The following LGR5 variants were observed in gnomAD, a reference collection of about 807,000 sequenced individuals.
The protein encoded by LGR5 is leucine rich repeat containing G protein-coupled receptor 5, also known as leucine-rich repeat-containing G protein-coupled receptor 5.
Under a neutral mutation model 76.7 loss-of-function variants are expected in LGR5, and 54 were observed. That is an observed-to-expected ratio of 0.70 (90% CI 0.57 to 0.88). The LOEUF (loss-of-function observed/expected upper bound fraction) is 0.88, where lower values mean the gene tolerates loss of function less well. LGR5 is among the 40% of genes least tolerant of loss of function. LGR5 has a pLI of 0.00. For missense variants in LGR5, 1,078 were observed against 1,073.3 expected (o/e 1.00, Z -0.06); for synonymous variants, 406 against 421.9 (o/e 0.96, Z 0.46).
intron 16 of LGR5, chr12:71,582,235 T>C (rs1879122222): frequency 2.1e-6 from 1 of 476,182 alleles, no homozygotes; most frequent in Non-Finnish European, 3.8e-6. Flanking sequence ...ACCCGGCGTC[T>C]TGGGTCACTC....
chr12:71,486,993 G>A (rs1444959265), intron 1 of LGR5, among the ~76,000 whole-genome samples: 1 of 152,038 alleles, frequency 6.6e-6, no homozygotes, highest in East Asian at 1.9e-4. Flanking sequence ...TGGTCATTTC[G>A]GGTAAGAGAT....
In LGR5 at chr12:71,440,096, C is replaced by G. The variant is rs781084434; in HGVS notation, c.16C>G (p.Leu6Val). 1 of 1,604,160 alleles carries G rather than the reference C, an allele frequency of 6.2e-7. No homozygotes were observed. The highest frequency in any genetic ancestry group is 8.5e-7 in the Non-Finnish European group (1 of 1,179,892). The change falls in exon 1 of 18, where the codon CTC becomes GTC. Residue 6 changes from leucine (L) to valine (V), a missense_variant. Coordinates refer to ENST00000266674, the MANE Select transcript of LGR5 (RefSeq NM_003667.4). The surrounding 1 kb of genome is among the most constrained non-coding windows in gnomAD (Gnocchi z 5.3). Reference sequence around the variant, plus strand: ...TTCGGGCACCATGGACACCTCCCGGCTCGGTGTGCTCCTGTCCTTGCCTGT... The same window carrying G: ...TTCGGGCACCATGGACACCTCCCGGGTCGGTGTGCTCCTGTCCTTGCCTGT... MDTSRLGVLLSLPVLL... is the reference protein window; with the variant it reads MDTSRVGVLLSLPVLL...
chr12:71,564,767 T>C (rs1313347266), intron 8 of LGR5, among the ~76,000 whole-genome samples: 3 of 146,908 alleles, frequency 2.0e-5, no homozygotes, highest in Non-Finnish European at 4.5e-5. Flanking sequence ...TATACATATA[T>C]GTACACACTG....
At position 71,474,068 on chromosome 12, in the gene LGR5, A is replaced by G. The variant is rs1196170772; in HGVS notation, c.213-30546A>G. On this transcript the variant is annotated intron_variant, in intron 1 of 17. Coordinates refer to ENST00000266674, the MANE Select transcript of LGR5 (RefSeq NM_003667.4). ...TCACATCCTATTTGTTTTCTTTTAC[A>G]TATAATCCAGATAAGCTTTCTTATT... 3.9e-5 allele frequency among the ~76,000 whole-genome samples: 6 copies of G among 152,170 alleles called. No homozygotes were observed. In the East Asian group the frequency reaches 1.2e-3, roughly 29 times the overall value.
intron 1 of LGR5, among the ~76,000 whole-genome samples, chr12:71,444,321 A>G (rs1455034453): frequency 6.6e-6 from 1 of 152,086 alleles, no homozygotes; most frequent in Admixed American, 6.5e-5. Flanking sequence ...CTTCATTTTA[A>G]TGAAGTTCTT....
At chr12:71,513,620 A>G (rs549054322) in intron 2 of LGR5, among the ~76,000 whole-genome samples, 1 of 152,180 alleles carries the variant, frequency 6.6e-6, no homozygotes, top group Admixed American at 6.5e-5. Flanking sequence ...TGATTGTTAT[A>G]AACAAATAGC....
chr12:71,514,557 G>T (rs1875341520), intron 2 of LGR5, among the ~76,000 whole-genome samples: 1 of 114,652 alleles, frequency 8.7e-6, no homozygotes, highest in South Asian at 3.5e-4. Context: ...GAAAGAGCAA[G>T]ACTCCCTCTC....
In LGR5 at chr12:71,440,151, C is replaced by G. The variant is rs552023923; in HGVS notation, c.71C>G (p.Ser24Cys). Residue 24 changes from serine (S) to cysteine (C), a missense_variant, in exon 1 of 18, where the codon TCT (serine) becomes TGT (cysteine). Physicochemically the swap from Ser to Cys is moderately radical, Grantham distance 112. Transcript: ENST00000266674. The surrounding 1 kb of genome is among the most constrained non-coding windows in gnomAD (Gnocchi z 5.3). ...CTGCAGCTGGCGACCGGGGGCAGCT[C>G]TCCCAGGTCTGGTGTGTTGCTGAGG... ...VLLQLATGGS[S>C]PRSGVLLRGC... The G allele has an allele frequency of 1.2e-6, 2 of 1,610,732 alleles. No homozygotes were observed. Among genetic ancestry groups the G allele is most frequent in the Admixed American group, 3.3e-5 (2 of 59,964 alleles).
In LGR5 at chr12:71,566,878, A is replaced by G; in HGVS notation, c.1036A>G (p.Thr346Ala). 1.2e-6 allele frequency: 2 copies of G among 1,613,868 alleles called. No individual in the cohort carries two copies. The highest frequency in any genetic ancestry group is 1.7e-6 in the Non-Finnish European group (2 of 1,179,764). The change falls in exon 11 of 18, where the codon ACC (threonine) becomes GCC (alanine). Residue 346 changes from threonine to alanine, a missense_variant. Transcript: ENST00000266674. The part of the protein sequence containing the change: ...TGAQISSLPQ[T>A]VCNQLPNLQV... ...AGCACAGATCTCATCTCTTCCTCAA[A>G]CCGTCTGCAATCAGTTACCTAATCT...
At chr12:71,572,144 G>A (rs11178859) in intron 12 of LGR5, among the ~76,000 whole-genome samples, 28,327 of 149,870 alleles carry the variant, frequency 0.19, 3,053 homozygotes, top group East Asian at 0.44. Context: ...AGTGCATGGC[G>A]TGATCTCGGC....
intron 3 of LGR5, among the ~76,000 whole-genome samples, chr12:71,524,881 A>C (rs531314238): frequency 3.3e-5 from 5 of 152,322 alleles, no homozygotes; most frequent in African/African-American, 1.2e-4. Context: ...GGGAGTGAAT[A>C]AGCATCAGCT....
intron 1 of LGR5, among the ~76,000 whole-genome samples, chr12:71,497,586 G>C (rs1245310517): frequency 6.6e-6 from 1 of 152,100 alleles, no homozygotes; most frequent in Non-Finnish European, 1.5e-5. Context: ...CCTGCACCTT[G>C]CCTTTTGAGA....
At chr12:71,530,520 C>G (rs1876251997) in intron 3 of LGR5, among the ~76,000 whole-genome samples, 1 of 152,132 alleles carries the variant, frequency 6.6e-6, no homozygotes, top group African/African-American at 2.4e-5. Flanking sequence ...ACAGCAGCAG[C>G]CATCCTTGGC....
intron 3 of LGR5, among the ~76,000 whole-genome samples, chr12:71,528,760 T>A (rs901714152): frequency 1.3e-5 from 2 of 152,222 alleles, no homozygotes; most frequent in African/African-American, 2.4e-5. Context: ...GTTGCTTTTT[T>A]AATCTTACTG....
Position 71,563,251 on chromosome 12 carries a change from A to T in LGR5, c.857+1399A>T, listed in dbSNP as rs146928515. Among the ~76,000 whole-genome samples, 852 of 152,188 alleles carry T rather than the reference A, an allele frequency of 5.6e-3. 38 individuals are homozygous for T. The highest frequency in any genetic ancestry group is 1.0e-3 in the Non-Finnish European group (68 of 67,998). ...TCTCTTCAAAGCCCGCATTTCTGTGAATGCTTTCCAGGTCCAGTTGGCTAC... is the reference window on the plus strand; with the variant it reads ...TCTCTTCAAAGCCCGCATTTCTGTGTATGCTTTCCAGGTCCAGTTGGCTAC... On this transcript the variant is annotated intron_variant, in intron 8 of 17. Coordinates refer to ENST00000266674, the MANE Select transcript of LGR5 (RefSeq NM_003667.4).
chr12:71,525,765 G>A (rs1476471671), intron 3 of LGR5, among the ~76,000 whole-genome samples: 1 of 151,284 alleles, frequency 6.6e-6, no homozygotes, highest in Non-Finnish European at 1.5e-5. Context: ...AATTATAAAT[G>A]AGTAAAATGA....
At chr12:71,525,238 TA>T (rs1170802939) in intron 3 of LGR5, among the ~76,000 whole-genome samples, 3 of 152,168 alleles carry the variant, frequency 2.0e-5, no homozygotes, top group African/African-American at 7.2e-5. Flanking sequence ...TATTTCTGCT[TA>T]TTGAAAATTA....
At chr12:71,487,212 A>G (rs7138339) in intron 1 of LGR5, among the ~76,000 whole-genome samples, 3,470 of 152,312 alleles carry the variant, frequency 0.023, 134 homozygotes, top group African/African-American at 0.079. Context: ...TTAAATTAGA[A>G]TAGGAACAAA....
Position 71,559,590 on chromosome 12 carries a change from T to G in LGR5, c.721T>G (p.Leu241Val). The G allele has an allele frequency of 6.5e-7, 1 of 1,532,452 alleles. No individual in the cohort carries two copies. The highest frequency in any genetic ancestry group is 9.0e-7 in the Non-Finnish European group (1 of 1,106,330). The allele number at this position is 1,532,452 out of a possible 1,614,324, so 94.9% of individuals were successfully genotyped here. A position where few individuals can be genotyped will look rare whatever the true frequency, so the allele number is the denominator to read the frequency against. The stretch of plus-strand genomic sequence containing the variant: ...ATACTATGTACTCATTTTCAGAGAT[T>G]TAAATTACAATAACCTTGATGAATT... ...DGLHSLETLD[L>V]NYNNLDEFPT... The change falls in exon 7 of 18, where the codon TTA becomes GTA. Residue 241 changes from leucine (L) to valine (V), a missense_variant. Transcript: ENST00000266674.
Sources: allele counts gnomAD v4.1 joint callset (sites outside exome capture counted in the v4.1 genomes callset), GRCh38; gene constraint gnomAD v4.1.1; non-coding constraint Gnocchi (gnomAD v3.1); transcripts MANE v1.5; gene names NCBI Gene and HGNC (gene_info 2026-07-23, HGNC 2026-07-21).